KANK3: variants seen among roughly 807,000 people sequenced by gnomAD.
KANK3 encodes KN motif and ankyrin repeat domain-containing protein 3.
A neutral mutation model predicts 65.4 loss-of-function variants in KANK3; 61 were observed. The ratio of observed to expected loss-of-function variants is 0.93; its 90% CI spans 0.76 to 1.15. The LOEUF is 1.15. Ranked by LOEUF, KANK3 falls within the 50% of genes most tolerant of loss-of-function variation. KANK3 has a pLI of 0.00. For synonymous variants in KANK3, 586 were observed against 543.3 expected (o/e 1.08, Z -1.09); for missense variants, 1,187 against 1,178.8 (o/e 1.01, Z -0.10).
At position 8,330,676 on chromosome 19, in the gene KANK3, C is replaced by T. The variant is rs138681053; in HGVS notation, c.1936+2338G>A. Among the ~76,000 whole-genome samples the T allele has an allele frequency of 9.2e-3, 1,359 of 147,290 alleles. 21 individuals carry two copies. The highest frequency in any genetic ancestry group is 0.032 in the African/African-American group (1,291 of 39,768). On this transcript the variant is annotated intron_variant, in intron 7 of 10. Coordinates refer to ENST00000330915, the MANE Select transcript of KANK3 (RefSeq NM_198471.3). ...CTGGGAGGCGGAGGTTGCAGTGAGC[C>T]GAGATTGTGCCATTGCACTGTAGCC...
chr19:8,338,873 CAAA>C (rs35505826), intron 1 of KANK3, among the ~76,000 whole-genome samples: 13 of 18,926 alleles, frequency 6.9e-4, no homozygotes, highest in African/African-American at 1.9e-3. Context: ...GATTCCGTCT[CAAA>C]AAAAAAAAAA....
intron 7 of KANK3, among the ~76,000 whole-genome samples, chr19:8,330,002 G>C (rs936040512): frequency 1.3e-5 from 2 of 152,168 alleles, no homozygotes; most frequent in African/African-American, 4.8e-5. Context: ...AGGAGCTAAA[G>C]TTCAAGAAAG....
intron 2 of KANK3, among the ~76,000 whole-genome samples, chr19:8,336,429 C>G (rs2145436783): frequency 1.1e-5 from 1 of 90,388 alleles, no homozygotes; most frequent in East Asian, 2.6e-4. Context: ...AGAAGAGAAC[C>G]TCTCAAAAAA....
rs1367207436 is a variant in KANK3 at position 8,334,577 on chromosome 19, G to T, written c.1250C>A (p.Ser417Tyr). ...SCAEKAAQTE[S>Y]PAEAPSLTQE... ...AGTCAAGGAGGGCGCCTCTGCCGGG[G>T]ACTCGGTCTGCGCGGCCTTTTCGGC... Residue 417 changes from serine to tyrosine, a missense_variant, in exon 3 of 11, where the codon TCC (serine) becomes TAC (tyrosine). Physicochemically the swap from Ser to Tyr is moderately radical, Grantham distance 144. Transcript: ENST00000330915. 6 of 1,596,186 alleles carry T rather than the reference G, an allele frequency of 3.8e-6. No homozygotes were observed. The African/African-American group carries it at 6.7e-5, about 18-fold the overall frequency.
intron 7 of KANK3, among the ~76,000 whole-genome samples, chr19:8,331,119 G>A (rs1970516110): frequency 1.3e-5 from 2 of 151,880 alleles, no homozygotes; most frequent in South Asian, 4.2e-4. Context: ...CGTGAACCCG[G>A]GAGGCGTAGG....
chr19:8,323,897 C>T (rs778066025), intron 10 of KANK3, among the ~76,000 whole-genome samples: 2 of 152,170 alleles, frequency 1.3e-5, no homozygotes, highest in Non-Finnish European at 2.9e-5. Context: ...TGCAAACTCA[C>T]CCAGTCTCCA....
At chr19:8,337,988 T>G in intron 1 of KANK3, 132 bp from the exon 2 acceptor site, 1 of 1,256,564 alleles carries the variant, frequency 8.0e-7, no homozygotes, top group Non-Finnish European at 1.1e-6. Context: ...ACATGGCCTC[T>G]CCTTCCTCTT....
rs57478488 is a variant in KANK3 at position 8,327,183 on chromosome 19, G to A, written c.1937-2087C>T. Among the ~76,000 whole-genome samples, 358 of 152,258 alleles carry A rather than the reference G, an allele frequency of 2.4e-3. 1 individual carries two copies. The highest frequency in any genetic ancestry group is 7.9e-3 in the African/African-American group (328 of 41,556). Reference sequence around the variant, plus strand: ...AGGAGAGCTGAGATGAGGGACTGAGGAGTAAAGGGTTAAGTCAAATGACAG... The same window carrying A: ...AGGAGAGCTGAGATGAGGGACTGAGAAGTAAAGGGTTAAGTCAAATGACAG... On this transcript the variant is annotated intron_variant, in intron 7 of 10. Transcript: ENST00000330915.
Position 8,334,900 on chromosome 19 carries a change from G to C in KANK3, c.927C>G (p.Pro309=), listed in dbSNP as rs781014255. The change falls in exon 3 of 11, where the codon CCC becomes CCG. Residue 309 remains proline, a synonymous_variant. Coordinates refer to ENST00000330915, the MANE Select transcript of KANK3 (RefSeq NM_198471.3). ...QTREVAAEAV[P]ETREAGAQAV... ...CCTGGGCACCCGCTTCTCGGGTCTC[G>C]GGCACGGCCTCGGCGGCCACCTCCC... 7.5e-6 allele frequency: 11 copies of C among 1,457,918 alleles called. No individual in the cohort carries two copies. The East Asian group carries it at 2.6e-4, about 34-fold the overall frequency. 90.3% of individuals were successfully genotyped at this position (1,457,918 alleles called of 1,614,324 possible). A position where few individuals can be genotyped will look rare whatever the true frequency, so the allele number is the denominator to read the frequency against.
intron 1 of KANK3, among the ~76,000 whole-genome samples, chr19:8,340,291 T>TATATATATATATATACACACACACACAC (rs1472181365): frequency 1.1e-5 from 1 of 92,864 alleles, no homozygotes; most frequent in African/African-American, 4.4e-5. Context: ...TATATATATA[T>TATATATATATATATACACACACACACAC]ACACACACAC....
intron 7 of KANK3, among the ~76,000 whole-genome samples, chr19:8,332,340 G>A (rs1970540601): frequency 6.6e-6 from 1 of 151,784 alleles, no homozygotes; most frequent in African/African-American, 2.4e-5. Flanking sequence ...ACCACACCCA[G>A]CTAATTTTTG....
rs372152817 is a variant in KANK3, at chr19:8,327,713, G to C, written c.1937-2617C>G. Among the ~76,000 whole-genome samples, 13 of 152,148 alleles carry C rather than the reference G, an allele frequency of 8.5e-5. No homozygotes were observed. In the East Asian group the frequency reaches 1.5e-3, roughly 18 times the overall value. ...GGAGGCTGAGGTGGAAGGATCGCTT[G>C]AGCCTGGGAGGTTGAGGCTGCATCA... On this transcript the variant is annotated intron_variant, in intron 7 of 10. Coordinates refer to ENST00000330915, the MANE Select transcript of KANK3 (RefSeq NM_198471.3).
intron 7 of KANK3, among the ~76,000 whole-genome samples, chr19:8,328,817 T>C (rs1446479932): frequency 6.6e-6 from 1 of 151,546 alleles, no homozygotes; most frequent in Non-Finnish European, 1.5e-5. Context: ...TGGGGCAGAG[T>C]CAAGGTCAAG....
chr19:8,339,178 G>C (rs1970689744), intron 1 of KANK3, among the ~76,000 whole-genome samples: 1 of 152,092 alleles, frequency 6.6e-6, no homozygotes, highest in Non-Finnish European at 1.5e-5. Flanking sequence ...CTGTAAGAAA[G>C]TGAGGAAGAT....
At chr19:8,341,080 C>A (rs1970717792) in intron 1 of KANK3, among the ~76,000 whole-genome samples, 2 of 152,106 alleles carry the variant, frequency 1.3e-5, no homozygotes, top group Admixed American at 6.6e-5. Flanking sequence ...GTGGGCCATT[C>A]CTAAGACCTA....
intron 1 of KANK3, among the ~76,000 whole-genome samples, chr19:8,342,791 C>A (rs550418370): frequency 3.3e-5 from 5 of 152,282 alleles, no homozygotes; most frequent in Admixed American, 1.3e-4. Context: ...CTACAGGAAG[C>A]GCCGCCGGGC....
intron 1 of KANK3, among the ~76,000 whole-genome samples, chr19:8,338,896 AAAAG>A (rs1365490420): frequency 0.099 from 13,423 of 135,456 alleles, 1,282 homozygotes; most frequent in Non-Finnish European, 0.15. Context: ...AAAAAAAAAA[AAAAG>A]GATGTAATTG....
intron 7 of KANK3, among the ~76,000 whole-genome samples, chr19:8,326,542 C>T (rs1970431442): frequency 6.9e-6 from 1 of 144,238 alleles, no homozygotes; most frequent in South Asian, 2.2e-4. Flanking sequence ...AATCCCAGCA[C>T]TTTGGGAGGC....
At chr19:8,329,523 A>AAAAAAAAAAAAAAAG (rs1427394985) in intron 7 of KANK3, among the ~76,000 whole-genome samples, 2 of 149,470 alleles carry the variant, frequency 1.3e-5, no homozygotes, top group Admixed American at 6.7e-5. Flanking sequence ...AAAAAAGACT[A>AAAAAAAAAAAAAAAG]ACTATAGAAT....
Sources: allele counts gnomAD v4.1 joint callset (sites outside exome capture counted in the v4.1 genomes callset), GRCh38; gene constraint gnomAD v4.1.1; transcripts MANE v1.5; gene names NCBI Gene and HGNC (gene_info 2026-07-23, HGNC 2026-07-21).